The following ENOX1 variants were observed in gnomAD, a reference collection of about 807,000 sequenced individuals.
The protein encoded by ENOX1 is ecto-NOX disulfide-thiol exchanger 1, also known as candidate growth-related and time keeping constitutive hydroquinone (NADH) oxidase.
A neutral mutation model predicts 82.5 loss-of-function variants in ENOX1; 42 were observed. That is an observed-to-expected ratio of 0.51 (90% CI 0.40 to 0.66). The LOEUF is 0.66. ENOX1 is among the 30% of genes least tolerant of loss of function. The pLI, the probability that ENOX1 is intolerant of heterozygous loss-of-function variation, is 0.00. For synonymous variants in ENOX1, 271 were observed against 282.2 expected, an observed-to-expected ratio of 0.96 and a Z score of 0.40; for missense variants, 608 against 811.6, an observed-to-expected ratio of 0.75 and a Z score of 3.05.
At chr13:43,395,202 A>G (rs543118408) in intron 5 of ENOX1, among the ~76,000 whole-genome samples, 2 of 152,368 alleles carry the variant, frequency 1.3e-5, no homozygotes, top group East Asian at 3.9e-4. Context: ...TGTGGGGCAG[A>G]TCACTAACAT....
chr13:43,303,051 C>T (rs2046670208), intron 11 of ENOX1, among the ~76,000 whole-genome samples: 1 of 152,216 alleles, frequency 6.6e-6, no homozygotes, highest in Admixed American at 6.5e-5. Context: ...TAACATTCCC[C>T]CTCCACTTTG....
intron 2 of ENOX1, among the ~76,000 whole-genome samples, chr13:43,553,851 G>C (rs777792646): frequency 6.6e-6 from 1 of 152,162 alleles, no homozygotes; most frequent in Non-Finnish European, 1.5e-5. Flanking sequence ...AGGTTCAAGC[G>C]ATTCTCCTGC....
At chr13:43,296,663 G>C (rs2046301933) in intron 12 of ENOX1, among the ~76,000 whole-genome samples, 1 of 152,184 alleles carries the variant, frequency 6.6e-6, no homozygotes, top group Non-Finnish European at 1.5e-5. Context: ...TGGTGATTTG[G>C]AACACTGCTC....
intron 14 of ENOX1, among the ~76,000 whole-genome samples, chr13:43,254,586 C>A (rs2043640559): frequency 6.6e-6 from 1 of 152,150 alleles, no homozygotes; most frequent in Non-Finnish European, 1.5e-5. Flanking sequence ...TTGTCAATAT[C>A]CACTGCTTAT....
rs1480895588 is a variant in ENOX1, at chr13:43,625,611, C to A, written c.-219+41868G>T. ...ATCAATCGATATGATCACGTGGCTT[C>A]TTTCCTCTAACCTGTTAATGTGGTG... On this transcript the variant is annotated intron_variant, in intron 2 of 16. Transcript: ENST00000690772. 2.0e-5 allele frequency among the ~76,000 whole-genome samples: 3 copies of A among 151,936 alleles called. No homozygotes were observed. The East Asian group carries it at 5.8e-4, about 29-fold the overall frequency.
At chr13:43,377,931 C>T (rs1049283766) in intron 5 of ENOX1, among the ~76,000 whole-genome samples, 1 of 152,112 alleles carries the variant, frequency 6.6e-6, no homozygotes, top group South Asian at 2.1e-4. Flanking sequence ...CTGTTTTAGG[C>T]CAGCATCTGT....
chr13:43,358,843 CT>C (rs1192990947), intron 7 of ENOX1, among the ~76,000 whole-genome samples: 5 of 152,170 alleles, frequency 3.3e-5, no homozygotes. Flanking sequence ...TAGGCTTTGT[CT>C]TCCTTCTCCA....
intron 2 of ENOX1, among the ~76,000 whole-genome samples, chr13:43,660,546 T>C (rs1256301369): frequency 7.9e-5 from 12 of 152,242 alleles, no homozygotes; most frequent in African/African-American, 1.2e-4. Flanking sequence ...TCGCATGCTC[T>C]TATAAACTAG....
chr13:43,454,647 A>C (rs1320032121), intron 3 of ENOX1, among the ~76,000 whole-genome samples: 2 of 152,064 alleles, frequency 1.3e-5, no homozygotes, highest in African/African-American at 4.8e-5. Context: ...GGTTAAATTG[A>C]TATTCCAGTT....
intron 2 of ENOX1, among the ~76,000 whole-genome samples, chr13:43,639,871 A>C (rs2083563503): frequency 6.6e-6 from 1 of 152,156 alleles, no homozygotes; most frequent in Non-Finnish European, 1.5e-5. Flanking sequence ...TCTACTAAAA[A>C]TATGAACATT....
At chr13:43,408,995 T>C (rs1566143792) in intron 5 of ENOX1, among the ~76,000 whole-genome samples, 1 of 143,224 alleles carries the variant, frequency 7.0e-6, no homozygotes, top group Non-Finnish European at 1.5e-5. Context: ...TTAGGAAATA[T>C]GAAGTCCAAG....
chr13:43,350,011 C>T lies in ENOX1; in HGVS notation c.824-5261G>A, dbSNP rs77699105. 9.4e-3 allele frequency among the ~76,000 whole-genome samples: 1,439 copies of T among 152,286 alleles called. 23 individuals are homozygous for T. Among genetic ancestry groups the T allele is most frequent in the African/African-American group, 0.033 (1,379 of 41,558 alleles). ...AATGCTGGGCATGAATTACCTAATT[C>T]TACAGGGGGTGGGAAACTTTAATTC... On this transcript the variant is annotated intron_variant, in intron 8 of 16. Transcript: ENST00000690772.
chr13:43,709,560 A>G (rs1431584800), intron 1 of ENOX1, among the ~76,000 whole-genome samples: 2 of 151,968 alleles, frequency 1.3e-5, no homozygotes, highest in East Asian at 3.9e-4. Flanking sequence ...GCAGGGATCA[A>G]TGTGAAAAAC....
At chr13:43,285,442 T>A (rs1013918851) in intron 12 of ENOX1, among the ~76,000 whole-genome samples, 14 of 152,200 alleles carry the variant, frequency 9.2e-5, no homozygotes, top group African/African-American at 3.4e-4. Flanking sequence ...GAGCATAAAT[T>A]CTTTTGTAAA....
chr13:43,717,239 A>G (rs1010861456), intron 1 of ENOX1, among the ~76,000 whole-genome samples: 3 of 152,208 alleles, frequency 2.0e-5, no homozygotes, highest in African/African-American at 7.2e-5. Flanking sequence ...ATAAACCTGC[A>G]TATCTACAAC....
At chr13:43,318,884 G>A (rs2047659603) in intron 11 of ENOX1, among the ~76,000 whole-genome samples, 1 of 152,088 alleles carries the variant, frequency 6.6e-6, no homozygotes, top group Non-Finnish European at 1.5e-5. Context: ...TGCCATCTGA[G>A]GCCTTACAAT....
chr13:43,541,123 T>C (rs1462277124), intron 2 of ENOX1, among the ~76,000 whole-genome samples: 2 of 150,720 alleles, frequency 1.3e-5, no homozygotes, highest in African/African-American at 4.9e-5. Flanking sequence ...CACAAGCTTA[T>C]GAAAACCTCT....
At chr13:43,682,474 T>A (rs1230162218) in intron 1 of ENOX1, among the ~76,000 whole-genome samples, 1 of 152,198 alleles carries the variant, frequency 6.6e-6, no homozygotes, top group Non-Finnish European at 1.5e-5. Flanking sequence ...ATACTACTAC[T>A]ACTATGTGTT....
At chr13:43,563,709 C>T (rs1222843146) in intron 2 of ENOX1, among the ~76,000 whole-genome samples, 1 of 151,982 alleles carries the variant, frequency 6.6e-6, no homozygotes, top group Non-Finnish European at 1.5e-5. Flanking sequence ...CTGTTAGAGG[C>T]TACTATGAGC....
Sources: gnomAD v4.1 joint callset for allele counts (sites outside exome capture counted in the v4.1 genomes callset) on GRCh38, gnomAD v4.1.1 for gene constraint, MANE v1.5 for transcripts, NCBI Gene and HGNC (gene_info 2026-07-23, HGNC 2026-07-21) for gene names.